ORC1: variants seen among roughly 807,000 people sequenced by gnomAD.
The protein encoded by ORC1 is origin recognition complex subunit 1.
In ORC1, 61 loss-of-function variants were observed where a neutral mutation model predicts 98.9. The observed-to-expected ratio is 0.62, with a 90% CI of 0.50 to 0.76. The LOEUF is 0.76. Ranked by LOEUF, ORC1 falls within the 30% of genes least tolerant of loss-of-function variation. The pLI is 0.00. For synonymous variants in ORC1, 385 were observed against 406.9 expected (o/e 0.95, Z 0.65); for missense variants, 979 against 1,072.2 (o/e 0.91, Z 1.21).
chr1:52,401,310 C>T (rs1647693607), intron 3 of ORC1, 52 bp downstream of exon 3: 1 of 1,609,950 alleles, frequency 6.2e-7, no homozygotes, highest in African/African-American at 1.3e-5. Context: ...ATCTCCCCAC[C>T]TCCCAATCAT....
At chr1:52,387,610 A>G (rs1557576802) in intron 8 of ORC1, among the ~76,000 whole-genome samples, 1 of 152,166 alleles carries the variant, frequency 6.6e-6, no homozygotes, top group East Asian at 1.9e-4. Context: ...GGCACCTGCC[A>G]CCATGCCTGG....
At chr1:52,385,779 C>A in intron 9 of ORC1, 73 bp downstream of exon 9, 4 of 987,466 alleles carry the variant, frequency 4.1e-6, no homozygotes, top group Non-Finnish European at 4.9e-6. Flanking sequence ...CCAGTGACTG[C>A]TAATTTTATG....
At chr1:52,408,560 G>C (rs1557591622), upstream of ORC1, 3 of 1,614,140 alleles carry the variant, frequency 1.9e-6, no homozygotes, top group South Asian at 3.3e-5. Flanking sequence ...ACTGTCATCT[G>C]TCTCTCAGGT....
At chr1:52,404,561 A>G (rs1569968836), upstream of ORC1, 1 of 551,452 alleles carries the variant, frequency 1.8e-6, no homozygotes, top group Non-Finnish European at 3.2e-6. Flanking sequence ...TGCAGCCGCC[A>G]TCATTGATTC....
chr1:52,384,633 T>G lies in ORC1; in HGVS notation c.1672A>C (p.Asn558His). 6.2e-7 allele frequency: 1 copy of G among 1,613,954 alleles called. No homozygotes were observed. The highest frequency in any genetic ancestry group is 8.5e-7 in the Non-Finnish European group (1 of 1,179,902). Residue 558 changes from asparagine to histidine, a missense_variant, in exon 11 of 17, where the codon AAT becomes CAT. Transcript: ENST00000371568. ...IRCLQQAAQANDVPPFQYIEV... is the reference protein window; with the variant it reads ...IRCLQQAAQAHDVPPFQYIEV... The stretch of plus-strand genomic sequence containing the variant: ...ATGTATTGAAAGGGAGGAACATCAT[T>G]GGCTTGGGCTGCCTGCTGCAGGCAG...
chr1:52,397,580 T>C (rs1031957371), intron 4 of ORC1, 105 bp downstream of exon 4: 1 of 1,027,422 alleles, frequency 9.7e-7, no homozygotes, highest in Non-Finnish European at 1.5e-6. Flanking sequence ...AAATAATGCA[T>C]TCCCTATGGG....
chr1:52,385,228 A>C lies in ORC1; in HGVS notation c.1516T>G (p.Cys506Gly), dbSNP rs1647127407. The C allele has an allele frequency of 1.9e-6, 3 of 1,613,752 alleles. No homozygotes were observed. Reference protein sequence around the residue: ...HVSAVPESLPCREQEFQDIYN... With the variant: ...HVSAVPESLPGREQEFQDIYN... Reference sequence around the variant, plus strand: ...ATGTCTTGGAATTCCTGTTCCCGACAGGGAAGAGACTCAGGTACAGCAGAA... The same window carrying C: ...ATGTCTTGGAATTCCTGTTCCCGACCGGGAAGAGACTCAGGTACAGCAGAA... The change falls in exon 10 of 17, where the codon TGT becomes GGT. Residue 506 changes from cysteine to glycine, a missense_variant. Cys to Gly is a radical substitution (Grantham distance 159). Transcript: ENST00000371568.
At position 52,374,877 on chromosome 1, in the gene ORC1, T is replaced by C. The variant is rs769437807; in HGVS notation, c.2324A>G (p.Gln775Arg). ...TAIKNSSVLE[Q>R]SFLRAILAEF... ...TGCGAGGATGGCTCTCAGGAAGCTC[T>C]GTTCCAGAACAGAGGAATTTCTTAA... The change falls in exon 16 of 17, where the codon CAG becomes CGG. Residue 775 changes from glutamine (Q) to arginine (R), a missense_variant. Physicochemically the swap from Gln to Arg is conservative, Grantham distance 43. Transcript: ENST00000371568. 2.5e-6 allele frequency: 4 copies of C among 1,613,774 alleles called. No individual in the cohort carries two copies. The highest frequency in any genetic ancestry group is 1.1e-5 in the South Asian group (1 of 91,076).
chr1:52,375,355 G>T, intron 15 of ORC1, 75 bp downstream of exon 15: 3 of 1,333,506 alleles, frequency 2.2e-6, no homozygotes, highest in South Asian at 1.2e-5. Flanking sequence ...AGTGCAGGTT[G>T]AATGAGTAAA....
rs1272436713 is a variant in ORC1, at chr1:52,383,574, C to A, written c.1864-5G>T. On this transcript the variant is annotated splice_polypyrimidine_tract_variant and splice_region_variant and intron_variant, in intron 12 of 16. Transcript: ENST00000371568. The stretch of plus-strand genomic sequence containing the variant: ...GTGAGTCCACAGAAGGTCGAGCTGC[C>A]AGGGCAAAGGAGAGAGGTGCAGAGT... 1.2e-6 allele frequency: 2 copies of A among 1,613,896 alleles called. No individual in the cohort carries two copies. The highest frequency in any genetic ancestry group is 1.7e-4 in the Middle Eastern group (1 of 5,972).
chr1:52,383,179 C>T (rs1325465242), intron 13 of ORC1, among the ~76,000 whole-genome samples: 1 of 152,054 alleles, frequency 6.6e-6, no homozygotes, highest in African/African-American at 2.4e-5. Context: ...AGCAATTCTC[C>T]TGCCTCAGCT....
chr1:52,388,639 T>G lies in ORC1; in HGVS notation c.1188-2A>C. On this transcript the variant is annotated splice_acceptor_variant, in intron 7 of 16. Transcript: ENST00000371568. LOFTEE classifies it high-confidence loss of function. ...TCACTTTTACTATTACCTAGAAACC[T>G]GAATGGTAGGGACATATTTTTTGAT... 1.2e-6 allele frequency: 2 copies of G among 1,611,746 alleles called. No homozygotes were observed. The highest frequency in any genetic ancestry group is 2.2e-5 in the East Asian group (1 of 44,866).
chr1:52,405,919 C>A, upstream of ORC1: 1 of 1,133,354 alleles, frequency 8.8e-7, no homozygotes, highest in Non-Finnish European at 1.3e-6. Flanking sequence ...GAGGGGTGTA[C>A]ACAATGTATC....
chr1:52,393,211 A>T (rs757675994), intron 6 of ORC1, among the ~76,000 whole-genome samples: 6 of 152,318 alleles, frequency 3.9e-5, no homozygotes, highest in Non-Finnish European at 5.9e-5. Context: ...ACAGCTCGGT[A>T]TACTGGAACC....
At chr1:52,387,866 A>C (rs1489644899) in intron 8 of ORC1, among the ~76,000 whole-genome samples, 1 of 152,238 alleles carries the variant, frequency 6.6e-6, no homozygotes, top group Non-Finnish European at 1.5e-5. Context: ...TGTTCCAAAG[A>C]ATAAGATGCT....
intron 3 of ORC1, among the ~76,000 whole-genome samples, chr1:52,399,550 G>A (rs1647594581): frequency 6.6e-6 from 1 of 151,186 alleles, no homozygotes; most frequent in Admixed American, 6.6e-5. Flanking sequence ...CTTGAACCCG[G>A]GAGGCAGAGC....
At chr1:52,388,174 C>T (rs1647168459) in intron 8 of ORC1, among the ~76,000 whole-genome samples, 1 of 152,198 alleles carries the variant, frequency 6.6e-6, no homozygotes, top group Non-Finnish European at 1.5e-5. Flanking sequence ...GGGTCTTGTA[C>T]TTACTTCCCT....
chr1:52,377,724 A>G (rs867968606), intron 14 of ORC1, among the ~76,000 whole-genome samples: 1 of 145,582 alleles, frequency 6.9e-6, no homozygotes, highest in Non-Finnish European at 1.5e-5. Flanking sequence ...AAAAAAAAAA[A>G]CAAATTCTAA....
chr1:52,389,271 C>T lies in ORC1; in HGVS notation c.1133G>A (p.Arg378His), dbSNP rs1239496219. 11 of 1,614,016 alleles carry T rather than the reference C, an allele frequency of 6.8e-6. No individual in the cohort carries two copies. Among genetic ancestry groups the T allele is most frequent in the African/African-American group, 1.3e-5 (1 of 74,914 alleles). Residue 378 changes from arginine to histidine, a missense_variant, in exon 7 of 17, where the codon CGT becomes CAT. Coordinates refer to ENST00000371568, the MANE Select transcript of ORC1 (RefSeq NM_004153.4). The part of the protein sequence containing the change: ...AQNEATSTPH[R>H]IRRKSSVLTM... ...CAAGACAGAACTCTTTCTGCGGATA[C>T]GATGGGGAGTAGAGGTCGCTTCATT...
Sources: allele counts gnomAD v4.1 joint callset (sites outside exome capture counted in the v4.1 genomes callset), GRCh38; gene constraint gnomAD v4.1.1; transcripts MANE v1.5; gene names NCBI Gene and HGNC (gene_info 2026-07-23, HGNC 2026-07-21).